TNRC6B: variants seen among roughly 807,000 people sequenced by gnomAD.
TNRC6B encodes trinucleotide repeat-containing gene 6B protein.
Under a neutral mutation model 203.6 loss-of-function variants are expected in TNRC6B, and 52 were observed. That is an observed-to-expected ratio of 0.26 (90% CI 0.20 to 0.32). The LOEUF (loss-of-function observed/expected upper bound fraction) is 0.32. TNRC6B is among the 10% of genes least tolerant of loss of function. TNRC6B has a pLI of 1.00. For synonymous variants in TNRC6B, 838 were observed against 845.7 expected, an observed-to-expected ratio of 0.99 and a Z score of 0.16; for missense variants, 1,923 against 2,286.2, an observed-to-expected ratio of 0.84 and a Z score of 3.24.
chr22:40,293,528 A>C (rs1256619645), intron 12 of TNRC6B, among the ~76,000 whole-genome samples: 1 of 141,658 alleles, frequency 7.1e-6, no homozygotes, highest in African/African-American at 2.6e-5. Flanking sequence ...CCCAGGATGA[A>C]TTTCTCGATG....
chr22:40,319,426 T>C (rs889705599), intron 21 of TNRC6B, among the ~76,000 whole-genome samples: 1 of 148,606 alleles, frequency 6.7e-6, no homozygotes, highest in Non-Finnish European at 1.5e-5. Context: ...TCTTTTCTTT[T>C]TTTTTTTTTT....
intron 3 of TNRC6B, 101 bp downstream of exon 3, chr22:40,251,301 G>T (rs1007258329): frequency 4.5e-6 from 4 of 895,038 alleles, no homozygotes; most frequent in Non-Finnish European, 6.5e-6. Flanking sequence ...GAGAGTGGGC[G>T]TAGAGTAATT....
chr22:40,294,321 A>C (rs1236017405), intron 12 of TNRC6B, among the ~76,000 whole-genome samples: 1 of 152,170 alleles, frequency 6.6e-6, no homozygotes, highest in Non-Finnish European at 1.5e-5. Flanking sequence ...GAGGCTTTTC[A>C]GTCTGAAATC....
intron 1 of TNRC6B, among the ~76,000 whole-genome samples, chr22:40,220,483 G>C (rs970177635): frequency 2.6e-5 from 4 of 152,120 alleles, no homozygotes; most frequent in African/African-American, 4.8e-5. Context: ...GGGGAGGAGG[G>C]GGGGAGGGGC....
intron 1 of TNRC6B, among the ~76,000 whole-genome samples, chr22:40,056,193 A>C (rs1216233970): frequency 6.6e-6 from 1 of 152,168 alleles, no homozygotes; most frequent in African/African-American, 2.4e-5. Flanking sequence ...CAGGATGTCC[A>C]TACCTTGTTG....
intron 3 of TNRC6B, among the ~76,000 whole-genome samples, chr22:40,132,079 G>A (rs2068549866): frequency 6.6e-6 from 1 of 152,240 alleles, no homozygotes; most frequent in Non-Finnish European, 1.5e-5. Flanking sequence ...TGGGTGCAGT[G>A]GCTCACGCCT....
chr22:40,125,982 C>T lies in TNRC6B; in HGVS notation c.45+120C>T, dbSNP rs2068489510. The T allele has an allele frequency of 4.1e-6, 4 of 970,830 alleles. No homozygotes were observed. In the South Asian group the frequency reaches 6.1e-5, roughly 15 times the overall value. 60.1% of individuals were successfully genotyped at this position (970,830 alleles called of 1,614,324 possible). On this transcript the variant is annotated intron_variant, in intron 3 of 23. Coordinates refer to the TNRC6B transcript ENST00000301923. ...AAATTCGATTGAGTTAAATTAGAAC[C>T]TAACATAAGATTGAGAAATATTTTT...
chr22:40,331,962 C>A lies in TNRC6B; in HGVS notation c.*8721C>A. ...GGTAAATTCCAGGGGGCCTGCAGTT[C>A]CTGTCAACCAATGTGGTTCAGGATT... On this transcript the variant is annotated 3_prime_UTR_variant, in exon 23 of 23. Coordinates refer to ENST00000454349, the MANE Select transcript of TNRC6B (RefSeq NM_001162501.2). The A allele has an allele frequency of 4.0e-6, 1 of 251,104 alleles. No homozygotes were observed. The highest frequency in any genetic ancestry group is 7.6e-6 in the Non-Finnish European group (1 of 132,022). The allele number at this position is 251,104 out of a possible 1,614,324, so 15.6% of individuals were successfully genotyped here.
intron 1 of TNRC6B, among the ~76,000 whole-genome samples, chr22:40,082,017 T>G (rs2068067405): frequency 1.3e-5 from 2 of 152,118 alleles, no homozygotes; most frequent in South Asian, 4.2e-4. Context: ...CTAGCCGCAG[T>G]GCGAGGCCCT....
chr22:40,067,347 T>C (rs1482817769), intron 1 of TNRC6B, among the ~76,000 whole-genome samples: 2 of 152,160 alleles, frequency 1.3e-5, no homozygotes, highest in African/African-American at 4.8e-5. Context: ...CTGTGGGAAT[T>C]ATGTGAATGC....
At chr22:40,097,552 A>G (rs1198350249) in intron 1 of TNRC6B, among the ~76,000 whole-genome samples, 1 of 151,920 alleles carries the variant, frequency 6.6e-6, no homozygotes, top group African/African-American at 2.4e-5. Flanking sequence ...CAAGTGATCC[A>G]GGCCTCCCAA....
At chr22:40,153,641 C>A (rs1182901424) in intron 3 of TNRC6B, among the ~76,000 whole-genome samples, 1 of 151,308 alleles carries the variant, frequency 6.6e-6, no homozygotes, top group South Asian at 2.1e-4. Flanking sequence ...TTAATTATAG[C>A]ATTCCATATG....
chr22:40,080,319 C>T (rs1448558580), intron 1 of TNRC6B, among the ~76,000 whole-genome samples: 3 of 151,766 alleles, frequency 2.0e-5, no homozygotes, highest in Non-Finnish European at 4.4e-5. Flanking sequence ...TCCACTAATT[C>T]AAAATGCCAC....
intron 11 of TNRC6B, among the ~76,000 whole-genome samples, chr22:40,284,348 G>A (rs2070756479): frequency 6.6e-6 from 1 of 152,118 alleles, no homozygotes; most frequent in South Asian, 2.1e-4. Context: ...TATTTTTAGT[G>A]TTGTAGGTTT....
rs779100124 is a variant in TNRC6B, at chr22:40,285,539, G to T, written c.3583-106G>T. 8 of 1,359,598 alleles carry T rather than the reference G, an allele frequency of 5.9e-6. No homozygotes were observed. The Admixed American group carries it at 7.8e-5, about 13-fold the overall frequency. 84.2% of individuals were successfully genotyped at this position (1,359,598 alleles called of 1,614,324 possible). On this transcript the variant is annotated intron_variant, in intron 11 of 22. Transcript: ENST00000454349. ...AGTTACAAAATTCTGTTATTCCATCGAACACAGCCTGTGATTCTTCTGAGG... is the reference window on the plus strand; with the variant it reads ...AGTTACAAAATTCTGTTATTCCATCTAACACAGCCTGTGATTCTTCTGAGG...
At chr22:40,319,392 C>T (rs1375322809) in intron 21 of TNRC6B, among the ~76,000 whole-genome samples, 1 of 150,348 alleles carries the variant, frequency 6.7e-6, no homozygotes, top group Non-Finnish European at 1.5e-5. Context: ...ATTCACATAA[C>T]TTACAGTATG....
chr22:40,083,832 G>C (rs1250667427), intron 1 of TNRC6B, among the ~76,000 whole-genome samples: 1 of 152,112 alleles, frequency 6.6e-6, no homozygotes, highest in Non-Finnish European at 1.5e-5. Context: ...GTTGTATTAT[G>C]GTATTTTTGT....
At chr22:40,094,321 A>G (rs948449375) in intron 1 of TNRC6B, among the ~76,000 whole-genome samples, 3 of 152,212 alleles carry the variant, frequency 2.0e-5, no homozygotes, top group Non-Finnish European at 2.9e-5. Flanking sequence ...AATGCTGCCA[A>G]TTAATTGTAA....
intron 21 of TNRC6B, among the ~76,000 whole-genome samples, chr22:40,317,843 TG>T (rs1441849528): frequency 6.6e-6 from 1 of 152,250 alleles, no homozygotes; most frequent in Non-Finnish European, 1.5e-5. Context: ...TACAACACCT[TG>T]TTAAAAGGAG....
Sources: allele counts gnomAD v4.1 joint callset (sites outside exome capture counted in the v4.1 genomes callset), GRCh38; gene constraint gnomAD v4.1.1; transcripts MANE v1.5; gene names NCBI Gene and HGNC (gene_info 2026-07-23, HGNC 2026-07-21).